FAM171A1: variants seen among roughly 807,000 people sequenced by gnomAD.
FAM171A1 encodes family with sequence similarity 171 member A1, also known as protein FAM171A1.
In FAM171A1, 23 loss-of-function variants were observed where a neutral mutation model predicts 74.9. The observed-to-expected ratio is 0.31, with a 90% confidence interval of 0.22 to 0.44. The LOEUF (loss-of-function observed/expected upper bound fraction) is 0.44, where lower values mean the gene tolerates loss of function less well. Ranked by LOEUF, FAM171A1 falls within the 20% of genes least tolerant of loss-of-function variation. The pLI is 1.00. For missense variants in FAM171A1, 1,162 were observed against 1,159.2 expected, an observed-to-expected ratio of 1.00 and a Z score of -0.03; for synonymous variants, 527 against 505.7, an observed-to-expected ratio of 1.04 and a Z score of -0.57.
chr10:15,319,588 A>G (rs1835462749), intron 1 of FAM171A1, among the ~76,000 whole-genome samples: 1 of 152,160 alleles, frequency 6.6e-6, no homozygotes, highest in Non-Finnish European at 1.5e-5. Context: ...ATGCACAACC[A>G]CAGCCAGCTA....
intron 1 of FAM171A1, among the ~76,000 whole-genome samples, chr10:15,286,359 T>G (rs1157532498): frequency 6.6e-6 from 1 of 152,138 alleles, no homozygotes; most frequent in Admixed American, 6.6e-5. Flanking sequence ...CAGCTCACTG[T>G]AACCTCTGCC....
rs1833899098 is a variant in FAM171A1, at chr10:15,212,268, A to AGC, written c.*645_*646dup. The AGC allele has an allele frequency of 6.5e-6, 1 of 153,298 alleles. No individual in the cohort carries two copies. The highest frequency in any genetic ancestry group is 1.5e-5 in the Non-Finnish European group (1 of 68,574). 9.5% of individuals were successfully genotyped at this position (153,298 alleles called of 1,614,324 possible). A position where few individuals can be genotyped will look rare whatever the true frequency, so the allele number is the denominator to read the frequency against. On this transcript the variant is annotated 3_prime_UTR_variant, in exon 8 of 8. Transcript: ENST00000378116. ...GCTTGGATGTTAAGAGAGGACACTC[A>AGC]GCGGTTCCTGAAGGGAGACGCTGAG...
At chr10:15,255,322 T>C (rs1360517807) in intron 3 of FAM171A1, among the ~76,000 whole-genome samples, 1 of 152,170 alleles carries the variant, frequency 6.6e-6, no homozygotes, top group East Asian at 1.9e-4. Flanking sequence ...TCTGGTTTAA[T>C]GCCATGAACC....
chr10:15,361,545 A>T (rs567847790), intron 1 of FAM171A1, among the ~76,000 whole-genome samples: 49 of 152,144 alleles, frequency 3.2e-4, no homozygotes, highest in Admixed American at 1.3e-4. Flanking sequence ...TAGCCAGGTG[A>T]GGTGGTGTGC....
intron 1 of FAM171A1, among the ~76,000 whole-genome samples, chr10:15,303,456 GTGT>G (rs1835257502): frequency 6.6e-6 from 1 of 152,082 alleles, no homozygotes; most frequent in African/African-American, 2.4e-5. Context: ...TTCTTAGTTC[GTGT>G]CAAATGGAGG....
At chr10:15,260,568 C>A (rs146660568) in intron 3 of FAM171A1, among the ~76,000 whole-genome samples, 1 of 152,310 alleles carries the variant, frequency 6.6e-6, no homozygotes, top group African/African-American at 2.4e-5. Context: ...CCATTATAGA[C>A]TGAAGCTCCT....
intron 1 of FAM171A1, among the ~76,000 whole-genome samples, chr10:15,354,206 G>A (rs1172235395): frequency 6.6e-6 from 1 of 152,064 alleles, no homozygotes; most frequent in Non-Finnish European, 1.5e-5. Flanking sequence ...CATAAAAAGT[G>A]GTGGGCAGGC....
intron 5 of FAM171A1, among the ~76,000 whole-genome samples, chr10:15,231,510 C>T (rs759370409): frequency 5.9e-5 from 9 of 152,006 alleles, no homozygotes; most frequent in Non-Finnish European, 1.0e-4. Flanking sequence ...GCCCTGAGAA[C>T]GCGGTTCTAA....
intron 1 of FAM171A1, among the ~76,000 whole-genome samples, chr10:15,347,016 A>G (rs1429112772): frequency 6.6e-6 from 1 of 152,218 alleles, no homozygotes; most frequent in Non-Finnish European, 1.5e-5. Context: ...TGCTACGTCA[A>G]CTGTAGTAAA....
chr10:15,250,527 C>T (rs994884444), intron 4 of FAM171A1, among the ~76,000 whole-genome samples: 2 of 152,172 alleles, frequency 1.3e-5, no homozygotes, highest in African/African-American at 2.4e-5. Context: ...TTTGGGAGGC[C>T]GAGGCAGGTT....
At chr10:15,267,443 A>C (rs10796269) in intron 3 of FAM171A1, among the ~76,000 whole-genome samples, 83,795 of 151,538 alleles carry the variant, frequency 0.55, 23,803 homozygotes, top group East Asian at 0.8. Context: ...TCTCTACTAA[A>C]AATACCAAAA....
intron 1 of FAM171A1, among the ~76,000 whole-genome samples, chr10:15,328,661 T>C (rs553002235): frequency 1.3e-5 from 2 of 152,202 alleles, no homozygotes; most frequent in African/African-American, 4.8e-5. Context: ...TTGACATCAC[T>C]ACTCTTCTTT....
intron 4 of FAM171A1, 107 bp downstream of exon 4, chr10:15,254,614 A>G (rs1379719576): frequency 8.9e-6 from 11 of 1,234,596 alleles, no homozygotes; most frequent in Non-Finnish European, 1.1e-6. Flanking sequence ...CTGCACCTTC[A>G]GTGCCTTTCT....
intron 3 of FAM171A1, among the ~76,000 whole-genome samples, chr10:15,257,808 C>G (rs1396428662): frequency 6.6e-6 from 1 of 152,170 alleles, no homozygotes; most frequent in African/African-American, 2.4e-5. Context: ...TTCTGAGCCA[C>G]AGCACAAATA....
At chr10:15,266,595 G>A (rs1834744671) in intron 3 of FAM171A1, among the ~76,000 whole-genome samples, 2 of 152,168 alleles carry the variant, frequency 1.3e-5, no homozygotes, top group South Asian at 2.1e-4. Flanking sequence ...GCCAGGCATG[G>A]TGGCTCACAC....
At chr10:15,340,904 G>T (rs1224531003) in intron 1 of FAM171A1, among the ~76,000 whole-genome samples, 2 of 152,140 alleles carry the variant, frequency 1.3e-5, no homozygotes, top group African/African-American at 4.8e-5. Flanking sequence ...ACCAACAAGG[G>T]TGTGAGATGG....
intron 3 of FAM171A1, among the ~76,000 whole-genome samples, chr10:15,259,076 T>G (rs546908408): frequency 1.3e-5 from 2 of 152,090 alleles, no homozygotes; most frequent in Non-Finnish European, 2.9e-5. Context: ...CTAACAATAT[T>G]CCAGTCTCCC....
chr10:15,314,267 G>GA (rs368493403), intron 1 of FAM171A1, among the ~76,000 whole-genome samples: 1,913 of 146,642 alleles, frequency 0.013, 42 homozygotes, highest in African/African-American at 0.044. Flanking sequence ...TAGCAAAAAA[G>GA]AAAAAAAAAA....
chr10:15,323,811 C>T (rs1835517048), intron 1 of FAM171A1, among the ~76,000 whole-genome samples: 1 of 151,836 alleles, frequency 6.6e-6, no homozygotes, highest in Admixed American at 6.6e-5. Flanking sequence ...ATTAGGATTG[C>T]AGTGCCATAC....
Sources: allele counts gnomAD v4.1 joint callset (sites outside exome capture counted in the v4.1 genomes callset), GRCh38; gene constraint gnomAD v4.1.1; transcripts MANE v1.5; gene names NCBI Gene and HGNC (gene_info 2026-07-23, HGNC 2026-07-21).